The following TBCEL variants were observed in gnomAD, a reference collection of about 807,000 sequenced individuals.
TBCEL encodes the protein tubulin-specific chaperone cofactor E-like protein.
In TBCEL, 15 loss-of-function variants were observed where a neutral mutation model predicts 44.2. That is an observed-to-expected ratio of 0.34 (90% CI 0.23 to 0.52). The LOEUF (loss-of-function observed/expected upper bound fraction) is 0.52. TBCEL is among the 20% of genes least tolerant of loss of function. The pLI, the probability that TBCEL is intolerant of heterozygous loss-of-function variation, is 0.95. For missense variants in TBCEL, 319 were observed against 506.3 expected, an observed-to-expected ratio of 0.63 and a Z score of 3.55; for synonymous variants, 171 against 185.4, an observed-to-expected ratio of 0.92 and a Z score of 0.63.
intron 5 of TBCEL, chr11:121,054,778 A>G (rs1464052626): frequency 3.7e-6 from 1 of 267,924 alleles, no homozygotes; most frequent in African/African-American, 2.2e-5. Flanking sequence ...TTATACTTAC[A>G]GTCAGTACTG....
At chr11:121,037,582 T>G (rs1477693711) in intron 2 of TBCEL, among the ~76,000 whole-genome samples, 1 of 152,242 alleles carries the variant, frequency 6.6e-6, no homozygotes, top group East Asian at 1.9e-4. Context: ...AATGGAATAC[T>G]TTATAAACCT....
chr11:121,024,817 A>G (rs1188205226), intron 1 of TBCEL, among the ~76,000 whole-genome samples: 1 of 152,292 alleles, frequency 6.6e-6, no homozygotes, highest in South Asian at 2.1e-4. Context: ...GCCTGCTCTT[A>G]CCAGGGGCTG....
chr11:121,088,501 C>G lies in TBCEL; in HGVS notation c.*1405C>G, dbSNP rs1946249147. 6.6e-6 allele frequency: 1 copy of G among 152,088 alleles called. No homozygotes were observed. The highest frequency in any genetic ancestry group is 2.1e-4 in the South Asian group (1 of 4,828). The allele number at this position is 152,088 out of a possible 1,614,324, so 9.4% of individuals were successfully genotyped here. On this transcript the variant is annotated 3_prime_UTR_variant, in exon 9 of 9. Transcript: ENST00000683345. ...TTCTTTAATGTGTATTTTTCTTGGT[C>G]CACCATGTTTACAGATGGGAGACTT...
In TBCEL at chr11:121,058,427, GCAGC is replaced by G. The variant is rs1945660352; in HGVS notation, c.798_801del (p.Gln266HisfsTer11). ...TGAGATTGTTAGGAATTCCTCTTCT[GCAGC>G]CATATACCACCGAGGAGCGAAGGAA... On this transcript the variant is annotated frameshift_variant, in exon 7 of 9. Transcript: ENST00000683345. LOFTEE classifies it high-confidence loss of function. 6.2e-7 allele frequency: 1 copy of G among 1,611,762 alleles called. No homozygotes were observed. The highest frequency in any genetic ancestry group is 1.3e-5 in the African/African-American group (1 of 74,730).
At chr11:121,076,389 CA>C (rs1451683106) in intron 8 of TBCEL, among the ~76,000 whole-genome samples, 3 of 151,818 alleles carry the variant, frequency 2.0e-5, no homozygotes, top group African/African-American at 7.3e-5. Context: ...GGATTCTGCA[CA>C]TATTTTGCTA....
Position 121,088,086 on chromosome 11 carries a change from G to A in TBCEL, c.*990G>A, listed in dbSNP as rs1946244184. 6.6e-6 allele frequency: 1 copy of A among 152,214 alleles called. No individual in the cohort carries two copies. Among genetic ancestry groups the A allele is most frequent in the African/African-American group, 2.4e-5 (1 of 41,444 alleles). 9.4% of individuals were successfully genotyped at this position (152,214 alleles called of 1,614,324 possible). A position where few individuals can be genotyped will look rare whatever the true frequency, so the allele number is the denominator to read the frequency against. ...AGAATTAGCTCATAAACTATCTGTG[G>A]TGTGTGTGGGGAATGAAGTTGGGGG... is the stretch of plus-strand genomic sequence containing the variant. On this transcript the variant is annotated 3_prime_UTR_variant, in exon 9 of 9. Coordinates refer to ENST00000683345, the MANE Select transcript of TBCEL (RefSeq NM_001363644.2).
Position 121,053,542 on chromosome 11 carries a change from T to C in TBCEL, c.274-9T>C, listed in dbSNP as rs1945566444. 6.2e-7 allele frequency: 1 copy of C among 1,609,982 alleles called. No homozygotes were observed. Among genetic ancestry groups the C allele is most frequent in the Non-Finnish European group, 8.5e-7 (1 of 1,177,750 alleles). On this transcript the variant is annotated splice_polypyrimidine_tract_variant and intron_variant, in intron 4 of 8. Coordinates refer to ENST00000683345, the MANE Select transcript of TBCEL (RefSeq NM_001363644.2). ...CTGCCTGATAATGCTTTTCTTTTTT[T>C]CTCCTTAGGTCAGTAAAATTGTGTC... is the stretch of plus-strand genomic sequence containing the variant.
At chr11:121,066,880 A>G (rs1945830993) in intron 8 of TBCEL, among the ~76,000 whole-genome samples, 1 of 152,198 alleles carries the variant, frequency 6.6e-6, no homozygotes, top group Non-Finnish European at 1.5e-5. Flanking sequence ...ATTGAGCTTT[A>G]GTTTCCAGGT....
intron 8 of TBCEL, among the ~76,000 whole-genome samples, chr11:121,067,296 C>G (rs1476955288): frequency 6.6e-6 from 1 of 152,126 alleles, no homozygotes; most frequent in African/African-American, 2.4e-5. Context: ...TTTCCTATCC[C>G]AGGATGAAAT....
In TBCEL at chr11:121,087,728, C is replaced by G. The variant is rs1946239591; in HGVS notation, c.*632C>G. The G allele has an allele frequency of 6.6e-6, 1 of 152,186 alleles. No individual in the cohort carries two copies. Among genetic ancestry groups the G allele is most frequent in the Non-Finnish European group, 1.5e-5 (1 of 68,106 alleles). 9.4% of individuals were successfully genotyped at this position (152,186 alleles called of 1,614,324 possible). ...TAAGCATTTTTAACCTGATTCTAATCTCAGGTACGCAGTAAGAAGCTATAA... is the reference window on the plus strand; with the variant it reads ...TAAGCATTTTTAACCTGATTCTAATGTCAGGTACGCAGTAAGAAGCTATAA... On this transcript the variant is annotated 3_prime_UTR_variant, in exon 9 of 9. Transcript: ENST00000683345.
At chr11:121,052,991 AT>A (rs796222391) in intron 4 of TBCEL, among the ~76,000 whole-genome samples, 14 of 148,572 alleles carry the variant, frequency 9.4e-5, no homozygotes, top group Admixed American at 1.3e-4. Context: ...ATAGTTACGG[AT>A]TTTTTTTTTG....
chr11:121,031,238 G>A (rs769191665), intron 1 of TBCEL, among the ~76,000 whole-genome samples: 6 of 152,132 alleles, frequency 3.9e-5, no homozygotes, highest in East Asian at 1.9e-4. Context: ...GAGTATGTGC[G>A]TCTTCAACTT....
rs1945452613 is a variant in TBCEL, at chr11:121,047,592, A to G, written c.198A>G (p.Glu66=). 6.2e-7 allele frequency: 1 copy of G among 1,612,774 alleles called. No individual in the cohort carries two copies. Among genetic ancestry groups the G allele is most frequent in the Non-Finnish European group, 8.5e-7 (1 of 1,179,258 alleles). The change falls in exon 4 of 9, where the codon GAA becomes GAG. Residue 66 remains glutamate, a synonymous_variant. Coordinates refer to ENST00000683345, the MANE Select transcript of TBCEL (RefSeq NM_001363644.2). ...NSCGITCAGD[E]KEIAAFCAHV... Reference sequence around the variant, plus strand: ...GTGGAATAACCTGTGCAGGAGATGAAAAAGAAATTGCTGCTTTCTGCGCTC... The same window carrying G: ...GTGGAATAACCTGTGCAGGAGATGAGAAAGAAATTGCTGCTTTCTGCGCTC...
At chr11:121,028,197 C>G (rs1474480488) in intron 1 of TBCEL, among the ~76,000 whole-genome samples, 1 of 149,780 alleles carries the variant, frequency 6.7e-6, no homozygotes, top group Non-Finnish European at 1.5e-5. Context: ...GAGTGAGGCA[C>G]TGTTTAAAAA....
intron 8 of TBCEL, among the ~76,000 whole-genome samples, chr11:121,076,754 T>A (rs1021110538): frequency 6.6e-6 from 1 of 151,950 alleles, no homozygotes; most frequent in Non-Finnish European, 1.5e-5. Context: ...TAGGAAAAAA[T>A]CATTCATTAC....
chr11:121,085,340 C>T (rs1946197357), intron 8 of TBCEL, among the ~76,000 whole-genome samples: 1 of 152,066 alleles, frequency 6.6e-6, no homozygotes, highest in South Asian at 2.1e-4. Context: ...GCCTGGCAAT[C>T]TTATATTTTT....
intron 8 of TBCEL, among the ~76,000 whole-genome samples, chr11:121,083,229 G>A (rs1264420154): frequency 6.6e-6 from 1 of 152,188 alleles, no homozygotes; most frequent in African/African-American, 2.4e-5. Flanking sequence ...TGTGAGGTGG[G>A]TGAACAAGAG....
At chr11:121,039,487 T>C (rs927012688) in intron 2 of TBCEL, among the ~76,000 whole-genome samples, 6 of 152,240 alleles carry the variant, frequency 3.9e-5, no homozygotes, top group African/African-American at 1.2e-4. Flanking sequence ...CTTAGCATAG[T>C]GTTTGGCGTA....
rs1328210179 is a variant in TBCEL, at chr11:121,087,973, C to A, written c.*877C>A. The A allele has an allele frequency of 6.6e-6, 1 of 152,062 alleles. No individual in the cohort carries two copies. The highest frequency in any genetic ancestry group is 1.5e-5 in the Non-Finnish European group (1 of 67,994). 9.4% of individuals were successfully genotyped at this position (152,062 alleles called of 1,614,324 possible). A position where few individuals can be genotyped will look rare whatever the true frequency, so the allele number is the denominator to read the frequency against. On this transcript the variant is annotated 3_prime_UTR_variant, in exon 9 of 9. Transcript: ENST00000683345. ...ATTGAATGTATTTCCTCATATCTTTCTTTTTCATTACTTTAAACTATTGGG... is the reference window on the plus strand; with the variant it reads ...ATTGAATGTATTTCCTCATATCTTTATTTTTCATTACTTTAAACTATTGGG...
Sources: gnomAD v4.1 joint callset for allele counts (sites outside exome capture counted in the v4.1 genomes callset) on GRCh38, gnomAD v4.1.1 for gene constraint, MANE v1.5 for transcripts, NCBI Gene and HGNC (gene_info 2026-07-23, HGNC 2026-07-21) for gene names.